The following MGAT4C variants were observed in gnomAD, a reference collection of about 807,000 sequenced individuals.
MGAT4C encodes alpha-1,3-mannosyl-glycoprotein 4-beta-N-acetylglucosaminyltransferase C.
MGAT4C carries 19 observed loss-of-function variants against 40.1 expected under a neutral mutation model. That is an observed-to-expected ratio of 0.47 (90% CI 0.33 to 0.70). The LOEUF is 0.70. Among genes scored for constraint, MGAT4C ranks in the 30% least tolerant of loss-of-function variants. MGAT4C has a pLI of 0.02. For synonymous variants in MGAT4C, 181 were observed against 187.1 expected (o/e 0.97, Z 0.27); for missense variants, 491 against 563.2 (o/e 0.87, Z 1.30).
chr12:86,535,161 A>T (rs942991267), intron 2 of MGAT4C, among the ~76,000 whole-genome samples: 2 of 152,102 alleles, frequency 1.3e-5, no homozygotes, highest in Non-Finnish European at 2.9e-5. Context: ...AGCATCTTTA[A>T]CATATTTATT....
intron 4 of MGAT4C, among the ~76,000 whole-genome samples, chr12:86,303,010 C>A (rs1377675492): frequency 6.6e-6 from 1 of 150,646 alleles, no homozygotes; most frequent in Non-Finnish European, 1.5e-5. Context: ...GTTCTTCCAC[C>A]AGCTCAGAAT....
intron 2 of MGAT4C, among the ~76,000 whole-genome samples, chr12:86,545,200 A>G (rs891804096): frequency 2.0e-5 from 3 of 152,050 alleles, no homozygotes; most frequent in Admixed American, 1.3e-4. Context: ...GATGACTTAA[A>G]TGATGACTTA....
chr12:86,239,312 A>G (rs1356187880), intron 1 of MGAT4C, among the ~76,000 whole-genome samples: 1 of 152,064 alleles, frequency 6.6e-6, no homozygotes, highest in Non-Finnish European at 1.5e-5. Flanking sequence ...GAACATGACT[A>G]CTTTTGCTGT....
intron 1 of MGAT4C, among the ~76,000 whole-genome samples, chr12:86,204,202 T>C (rs886678702): frequency 6.6e-6 from 1 of 151,648 alleles, no homozygotes; most frequent in African/African-American, 2.4e-5. Context: ...ACTTTGAAGA[T>C]GGGATATTTG....
chr12:86,326,310 A>G (rs1440215541), intron 4 of MGAT4C, among the ~76,000 whole-genome samples: 1 of 151,460 alleles, frequency 6.6e-6, no homozygotes, highest in East Asian at 1.9e-4. Context: ...ACACACACAC[A>G]CACACACACA....
intron 1 of MGAT4C, among the ~76,000 whole-genome samples, chr12:86,237,115 A>G (rs948959371): frequency 1.7e-4 from 26 of 151,478 alleles, no homozygotes; most frequent in African/African-American, 6.3e-4. Context: ...TAATATAAAC[A>G]TAATAAGGAT....
In MGAT4C at chr12:86,836,406, A is replaced by AT. The variant is rs369942560; in HGVS notation, c.-262+2259dup. Among the ~76,000 whole-genome samples, 776 of 151,232 alleles carry AT rather than the reference A, an allele frequency of 5.1e-3. 10 individuals carry two copies. Among genetic ancestry groups the AT allele is most frequent in the African/African-American group, 0.017 (722 of 41,260 alleles). On this transcript the variant is annotated intron_variant, in intron 1 of 7. Coordinates refer to the MGAT4C transcript ENST00000548651. ...CTGATTTAGGAGAGAATACCATTAC[A>AT]TTTTTTTTTGTCCTACATGTTGCTT... is the stretch of plus-strand genomic sequence containing the variant.
intron 2 of MGAT4C, among the ~76,000 whole-genome samples, chr12:86,703,808 A>G (rs1950406403): frequency 6.6e-6 from 1 of 152,164 alleles, no homozygotes; most frequent in South Asian, 2.1e-4. Flanking sequence ...TTAATCACTT[A>G]GAGGTTTTGG....
At chr12:86,338,211 G>C (rs1326362061) in intron 3 of MGAT4C, among the ~76,000 whole-genome samples, 9 of 152,142 alleles carry the variant, frequency 5.9e-5, no homozygotes, top group Admixed American at 4.6e-4. Context: ...CAGCAAACTG[G>C]GAATGCTGAT....
chr12:86,381,613 C>T (rs1955930505), intron 3 of MGAT4C, among the ~76,000 whole-genome samples: 1 of 152,212 alleles, frequency 6.6e-6, no homozygotes, highest in Non-Finnish European at 1.5e-5. Flanking sequence ...AATATCTTCA[C>T]AGACACACAC....
chr12:86,524,924 A>G (rs1300442615), intron 2 of MGAT4C, among the ~76,000 whole-genome samples: 1 of 152,094 alleles, frequency 6.6e-6, no homozygotes, highest in African/African-American at 2.4e-5. Flanking sequence ...GATCAGTTAC[A>G]TTGTTTTCTA....
chr12:86,423,483 A>C (rs974264783), intron 3 of MGAT4C, among the ~76,000 whole-genome samples: 5 of 152,070 alleles, frequency 3.3e-5, no homozygotes, highest in Non-Finnish European at 7.4e-5. Context: ...GAACAACTAA[A>C]AATTTGACTA....
chr12:86,377,569 C>T (rs549675049), intron 3 of MGAT4C, among the ~76,000 whole-genome samples: 33 of 152,058 alleles, frequency 2.2e-4, no homozygotes, highest in Non-Finnish European at 4.1e-4. Context: ...GCGCTCTTAA[C>T]GATGTTTTAA....
intron 4 of MGAT4C, among the ~76,000 whole-genome samples, chr12:86,287,749 T>C (rs1245594145): frequency 6.6e-6 from 1 of 152,212 alleles, no homozygotes; most frequent in Admixed American, 6.5e-5. Context: ...CACTGTAATA[T>C]TGATGGGCAT....
chr12:86,602,017 G>C (rs1961802546), intron 2 of MGAT4C, among the ~76,000 whole-genome samples: 1 of 152,146 alleles, frequency 6.6e-6, no homozygotes, highest in Non-Finnish European at 1.5e-5. Context: ...CGGAAGCCGC[G>C]GTACGTCTGG....
intron 2 of MGAT4C, chr12:86,016,052 G>T (rs1592694544): frequency 6.6e-6 from 1 of 152,132 alleles, no homozygotes; most frequent in East Asian, 1.9e-4. Context: ...AGATTTGCTT[G>T]TAGGATGAAC....
intron 2 of MGAT4C, among the ~76,000 whole-genome samples, chr12:86,017,242 TCGA>T (rs1889183826): frequency 6.6e-6 from 1 of 152,134 alleles, no homozygotes; most frequent in African/African-American, 2.4e-5. Context: ...TGCAGGAATC[TCGA>T]ACTCGGAGCT....
At chr12:86,274,406 A>G (rs114162991) in intron 4 of MGAT4C, among the ~76,000 whole-genome samples, 2,949 of 152,184 alleles carry the variant, frequency 0.019, 81 homozygotes, top group African/African-American at 0.067. Context: ...AGTATAGTAT[A>G]TAGTTATATA....
At position 85,983,511 on chromosome 12, in the gene MGAT4C, A is replaced by T; in HGVS notation, c.295+12T>A. ...TTATGTATTCTTTATTTAAATGTTTAAGGATACTTACGCTTTCTTTGTAAA... is the reference window on the plus strand; with the variant it reads ...TTATGTATTCTTTATTTAAATGTTTTAGGATACTTACGCTTTCTTTGTAAA... On this transcript the variant is annotated intron_variant, in intron 4 of 4. Transcript: ENST00000611864. 1 of 1,530,848 alleles carries T rather than the reference A, an allele frequency of 6.5e-7. No homozygotes were observed. Among genetic ancestry groups the T allele is most frequent in the Non-Finnish European group, 8.7e-7 (1 of 1,143,256 alleles). The allele number at this position is 1,530,848 out of a possible 1,614,324, so 94.8% of individuals were successfully genotyped here.
Sources: gnomAD v4.1 joint callset for allele counts (sites outside exome capture counted in the v4.1 genomes callset) on GRCh38, gnomAD v4.1.1 for gene constraint, MANE v1.5 for transcripts, NCBI Gene and HGNC (gene_info 2026-07-23, HGNC 2026-07-21) for gene names.